Variants in MGAT5B observed in about 807,000 individuals in gnomAD.
The protein encoded by MGAT5B is N-acetylglucosaminyl-transferase Vb.
MGAT5B carries 54 observed loss-of-function variants against 95.1 expected under a neutral mutation model. That is an observed-to-expected ratio of 0.57 (90% confidence interval 0.46 to 0.71). The LOEUF is 0.71. MGAT5B is among the 30% of genes least tolerant of loss of function. MGAT5B has a pLI of 0.00. For missense variants in MGAT5B, 935 were observed against 1,088.6 expected (o/e 0.86, Z 1.99); for synonymous variants, 464 against 451.0 (o/e 1.03, Z -0.36).
At chr17:76,880,751 A>T (rs1967381685) in intron 2 of MGAT5B, among the ~76,000 whole-genome samples, 1 of 151,940 alleles carries the variant, frequency 6.6e-6, no homozygotes, top group Non-Finnish European at 1.5e-5. Context: ...TGTGTTCTAC[A>T]TGGTCTCAGG....
At chr17:76,926,870 G>A (rs1393270553) in intron 10 of MGAT5B, 140 bp downstream of exon 10, 1 of 1,019,382 alleles carries the variant, frequency 9.8e-7, no homozygotes, top group Non-Finnish European at 1.4e-6. Flanking sequence ...AGCAAGCATC[G>A]CCTTCTCCTG....
intron 15 of MGAT5B, among the ~76,000 whole-genome samples, chr17:76,943,621 GGT>G (rs1491452925): frequency 7.2e-4 from 84 of 117,298 alleles, no homozygotes; most frequent in African/African-American, 2.9e-3. Flanking sequence ...GATGGGGTGG[GGT>G]GGGGGGGGGG....
chr17:76,932,144 C>G (rs1969511745), intron 10 of MGAT5B, among the ~76,000 whole-genome samples: 1 of 107,032 alleles, frequency 9.3e-6, no homozygotes, highest in Non-Finnish European at 1.9e-5. Context: ...CTTTCTTCTT[C>G]TTACACAGGG....
chr17:76,874,346 G>C (rs1048135578), intron 2 of MGAT5B, among the ~76,000 whole-genome samples: 1 of 151,506 alleles, frequency 6.6e-6, no homozygotes, highest in East Asian at 1.9e-4. Flanking sequence ...GCGTGTTTAT[G>C]AAAGAGGACC....
At chr17:76,895,530 G>A (rs868115737) in intron 3 of MGAT5B, among the ~76,000 whole-genome samples, 8 of 152,114 alleles carry the variant, frequency 5.3e-5, no homozygotes, top group South Asian at 2.1e-4. Flanking sequence ...AGATCAAGAC[G>A]TCAGCAGGCA....
At chr17:76,928,164 C>T (rs1006771771) in intron 10 of MGAT5B, among the ~76,000 whole-genome samples, 3 of 152,124 alleles carry the variant, frequency 2.0e-5, no homozygotes, top group Admixed American at 6.6e-5. Context: ...GTAGAGCATG[C>T]AGCCTGAGGT....
chr17:76,941,424 T>C (rs1363059485), intron 15 of MGAT5B, among the ~76,000 whole-genome samples: 4 of 152,152 alleles, frequency 2.6e-5, no homozygotes, highest in Non-Finnish European at 1.5e-5. Flanking sequence ...AGTGGACATG[T>C]TTGTGGCTTT....
At chr17:76,882,095 A>C (rs1008433752) in intron 2 of MGAT5B, 56 bp from the exon 3 acceptor site, 7 of 1,539,398 alleles carry the variant, frequency 4.5e-6, no homozygotes, top group Non-Finnish European at 6.2e-6. Context: ...CTCGGACACC[A>C]GGTGGCCTCC....
chr17:76,932,911 A>T, intron 11 of MGAT5B, 136 bp downstream of exon 11: 1 of 1,372,860 alleles, frequency 7.3e-7, no homozygotes, highest in Non-Finnish European at 9.7e-7. Context: ...TCTCCCATGA[A>T]CCAGTTCAGG....
chr17:76,920,277 GA>G (rs1468872366), intron 8 of MGAT5B, among the ~76,000 whole-genome samples: 2 of 151,776 alleles, frequency 1.3e-5, no homozygotes, highest in African/African-American at 4.8e-5. Context: ...CCCAGCCCTT[GA>G]CTGAGAGTAC....
intron 5 of MGAT5B, 44 bp from the exon 6 acceptor site, chr17:76,904,208 G>T: frequency 6.4e-7 from 1 of 1,560,046 alleles, no homozygotes; most frequent in Non-Finnish European, 8.7e-7. Context: ...CCGAGGGTCA[G>T]TGGGGCTGGC....
intron 15 of MGAT5B, among the ~76,000 whole-genome samples, chr17:76,941,838 G>A (rs1267671199): frequency 1.3e-5 from 2 of 152,228 alleles, no homozygotes; most frequent in Admixed American, 6.5e-5. Context: ...GGCACCTGGA[G>A]CTCATCACCA....
intron 8 of MGAT5B, among the ~76,000 whole-genome samples, chr17:76,909,242 G>T: frequency 6.6e-6 from 1 of 152,176 alleles, no homozygotes; most frequent in East Asian, 1.9e-4. Context: ...GGGATTACAG[G>T]CATGAGCCAT....
Position 76,906,216 on chromosome 17 carries a change from A to G in MGAT5B, c.1025+29A>G. On this transcript the variant is annotated intron_variant, in intron 8 of 17. Transcript: ENST00000569840. This position sits in a 1 kb window ranked among gnomAD's most constrained non-coding sequence, Gnocchi z 4.6. ...AGTGCTGGGGAAAGCCACTGGCATT[A>G]AGTGGGGCAGGGAGGGGATGAAGGG... 1 of 1,576,740 alleles carries G rather than the reference A, an allele frequency of 6.3e-7. No individual in the cohort carries two copies. Among genetic ancestry groups the G allele is most frequent in the South Asian group, 1.2e-5 (1 of 85,954 alleles).
chr17:76,904,844 C>T (rs761481874), intron 6 of MGAT5B, among the ~76,000 whole-genome samples: 4 of 152,216 alleles, frequency 2.6e-5, no homozygotes, highest in Non-Finnish European at 4.4e-5. Flanking sequence ...GTGGTGGCCA[C>T]GTCTGTCCCC....
rs747200948 is a variant in MGAT5B at position 76,882,164 on chromosome 17, C to T, written c.195C>T (p.Pro65=). The T allele has an allele frequency of 5.5e-5, 88 of 1,610,848 alleles. No homozygotes were observed. The highest frequency in any genetic ancestry group is 1.6e-4 in the Middle Eastern group (1 of 6,072). Residue 65 remains proline (P), a synonymous_variant, in exon 3 of 18, where the codon CCC becomes CCT. Transcript: ENST00000569840. ...FTIRTEVMGG[P]ESRGVLRKMS... is the part of the protein sequence containing the mutation. ...CTCTGCCCACAGTGATGGGGGGCCC[C>T]GAGTCCCGCGGCGTCCTGCGCAAGA...
rs1239942994 is a variant in MGAT5B, at chr17:76,872,898, C to T, written c.116C>T (p.Thr39Met). Residue 39 changes from threonine to methionine, a missense_variant, in exon 2 of 18, where the codon ACG becomes ATG. Thr to Met is a moderately conservative substitution (Grantham distance 81). This residue lies in a region of MGAT5B where 243 missense variants were observed against 228.2 expected (regional missense o/e 1.06). Coordinates refer to ENST00000569840, the MANE Select transcript of MGAT5B (RefSeq NM_001199172.2). Reference sequence around the variant, plus strand: ...TTCTTCACTCTCTGCTTCCTGATGACGTCTCTGGGAGGCCAGTTCTCGGCC... The same window carrying T: ...TTCTTCACTCTCTGCTTCCTGATGATGTCTCTGGGAGGCCAGTTCTCGGCC... ...IGFFTLCFLM[T>M]SLGGQFSARR... 33 of 1,614,088 alleles carry T rather than the reference C, an allele frequency of 2.0e-5. No individual in the cohort carries two copies. Among genetic ancestry groups the T allele is most frequent in the Non-Finnish European group, 2.8e-5 (33 of 1,180,050 alleles).
chr17:76,913,830 G>A (rs1405085237), intron 8 of MGAT5B: 8 of 456,298 alleles, frequency 1.8e-5, no homozygotes, highest in Non-Finnish European at 3.5e-5. Context: ...GTCACATGAG[G>A]CTGGGTGGGG....
At chr17:76,943,625 G>GT (rs1969936237) in intron 15 of MGAT5B, among the ~76,000 whole-genome samples, 1 of 118,930 alleles carries the variant, frequency 8.4e-6, no homozygotes, top group African/African-American at 3.5e-5. Flanking sequence ...GGGTGGGGTG[G>GT]GGGGGGGGTC....
Sources: gnomAD v4.1 joint callset for allele counts (sites outside exome capture counted in the v4.1 genomes callset) on GRCh38, gnomAD v4.1.1 for gene constraint, gnomAD v4.1.1 regional missense constraint, Gnocchi (gnomAD v3.1) non-coding constraint, MANE v1.5 for transcripts, NCBI Gene and HGNC (gene_info 2026-07-23, HGNC 2026-07-21) for gene names.